Variants in ATP2B2 observed in about 807,000 individuals in gnomAD.
The protein encoded by ATP2B2 is plasma membrane calcium-transporting ATPase 2.
Under a neutral mutation model 120.0 loss-of-function variants are expected in ATP2B2, and 15 were observed. That is an observed-to-expected ratio of 0.12 (90% confidence interval 0.08 to 0.19). The LOEUF (loss-of-function observed/expected upper bound fraction) is 0.19, where lower values mean the gene tolerates loss of function less well. Among genes scored for constraint, ATP2B2 ranks in the 10% least tolerant of loss-of-function variants. The probability of loss-of-function intolerance (pLI) is 1.00; values close to 1 mark genes in which losing one functional copy is unlikely to be tolerated. For missense variants in ATP2B2, 1,045 were observed against 1,719.8 expected (o/e 0.61, Z 6.94); for synonymous variants, 694 against 700.3 (o/e 0.99, Z 0.14).
intron 2 of ATP2B2, among the ~76,000 whole-genome samples, chr3:10,602,367 A>C (rs1273481215): frequency 6.6e-6 from 1 of 152,254 alleles, no homozygotes; most frequent in East Asian, 1.9e-4. Flanking sequence ...GTGTGTCCTT[A>C]GACCATGATG....
chr3:10,340,477 G>A lies in ATP2B2; in HGVS notation c.3129+16C>T, dbSNP rs1358023317. ...GCTGCCCACCCCGGGCCTGGTTAGG[G>A]TGGGGGCCTCACTACCTGGATGGCA... On this transcript the variant is annotated intron_variant, in intron 20 of 22. Coordinates refer to ENST00000360273, the MANE Select transcript of ATP2B2 (RefSeq NM_001001331.4). This position sits in a 1 kb window ranked among gnomAD's most constrained non-coding sequence, Gnocchi z 5.0. 3 of 1,614,222 alleles carry A rather than the reference G, an allele frequency of 1.9e-6. No individual in the cohort carries two copies. Among genetic ancestry groups the A allele is most frequent in the Non-Finnish European group, 2.5e-6 (3 of 1,180,026 alleles).
At chr3:10,416,666 G>T (rs1246181004) in intron 2 of ATP2B2, among the ~76,000 whole-genome samples, 1 of 152,134 alleles carries the variant, frequency 6.6e-6, no homozygotes, top group Non-Finnish European at 1.5e-5. Flanking sequence ...AAGGGAGCCT[G>T]TGCTTTGGCC....
chr3:10,540,537 C>T (rs991822323), intron 2 of ATP2B2, among the ~76,000 whole-genome samples: 25 of 151,894 alleles, frequency 1.6e-4, no homozygotes, highest in Non-Finnish European at 3.4e-4. Flanking sequence ...TACTATGTAG[C>T]CATAAAAAAG....
At position 10,643,419 on chromosome 3, in the gene ATP2B2, T is replaced by A. The variant is rs190904453; in HGVS notation, c.-459-23458A>T. 3.0e-3 allele frequency among the ~76,000 whole-genome samples: 452 copies of A among 152,304 alleles called. 2 individuals carry two copies. The highest frequency in any genetic ancestry group is 0.01 in the African/African-American group (432 of 41,568). ...AAGGCCAAGCCTAGGGGAAACTTTG[T>A]GGAGAAGCAGCATTATTTACCTAGT... On this transcript the variant is annotated intron_variant, in intron 1 of 21. Coordinates refer to the ATP2B2 transcript ENST00000646379.
chr3:10,418,605 C>T (rs921767588), intron 2 of ATP2B2, among the ~76,000 whole-genome samples: 1 of 152,172 alleles, frequency 6.6e-6, no homozygotes, highest in Non-Finnish European at 1.5e-5. Flanking sequence ...CATGGGGCTG[C>T]ACGTCTTTAT....
chr3:10,705,987 A>G (rs1431511999), intron 1 of ATP2B2, among the ~76,000 whole-genome samples: 1 of 152,250 alleles, frequency 6.6e-6, no homozygotes, highest in Admixed American at 6.5e-5. Flanking sequence ...TGCCTCTGGC[A>G]CATCAAACAG....
intron 1 of ATP2B2, among the ~76,000 whole-genome samples, chr3:10,474,091 G>C (rs896577639): frequency 1.3e-5 from 2 of 152,186 alleles, no homozygotes; most frequent in African/African-American, 4.8e-5. Context: ...TTGCCTGCAG[G>C]GGCAGCAGTG....
rs1020395066 is a variant in ATP2B2, at chr3:10,475,865, G to A, written c.-319-26003C>T. Among the ~76,000 whole-genome samples, 4 of 152,246 alleles carry A rather than the reference G, an allele frequency of 2.6e-5. 1 individual carries two copies. Among genetic ancestry groups the A allele is most frequent in the South Asian group, 2.1e-4 (1 of 4,824 alleles). On this transcript the variant is annotated intron_variant, in intron 1 of 22. Coordinates refer to ENST00000360273, the MANE Select transcript of ATP2B2 (RefSeq NM_001001331.4). ...TTCTGAGCCTTGAGTTGGATGCTGG[G>A]GACTTGAAGGTGATTCAGACAAAAG...
chr3:10,415,361 T>A (rs529607247), intron 2 of ATP2B2, among the ~76,000 whole-genome samples: 1 of 152,262 alleles, frequency 6.6e-6, no homozygotes, highest in African/African-American at 2.4e-5. Context: ...GACTTTGAAC[T>A]GGCAGGATTT....
chr3:10,452,425 G>A (rs1431751775), intron 1 of ATP2B2, among the ~76,000 whole-genome samples: 1 of 152,250 alleles, frequency 6.6e-6, no homozygotes, highest in Admixed American at 6.5e-5. Context: ...CCCTTGTTCA[G>A]GGTTGGATGA....
At chr3:10,412,130 TC>T (rs2062631257) in intron 2 of ATP2B2, among the ~76,000 whole-genome samples, 2 of 152,220 alleles carry the variant, frequency 1.3e-5, no homozygotes, top group Non-Finnish European at 2.9e-5. Context: ...CACTTTGCCT[TC>T]CTCCTGCCAC....
intron 1 of ATP2B2, among the ~76,000 whole-genome samples, chr3:10,460,079 A>T (rs908507360): frequency 5.9e-5 from 9 of 152,206 alleles, no homozygotes; most frequent in Admixed American, 5.9e-4. Context: ...TTCACCTCTG[A>T]CCATGGAGGG....
chr3:10,343,202 A>G lies in ATP2B2; in HGVS notation c.2704-237T>C, dbSNP rs958618413. Among the ~76,000 whole-genome samples the G allele has an allele frequency of 6.6e-5, 10 of 152,080 alleles. No individual in the cohort carries two copies. Among genetic ancestry groups the G allele is most frequent in the South Asian group, 2.1e-4 (1 of 4,818 alleles). On this transcript the variant is annotated intron_variant, in intron 18 of 22. Coordinates refer to ENST00000360273, the MANE Select transcript of ATP2B2 (RefSeq NM_001001331.4). This position sits in a 1 kb window ranked among gnomAD's most constrained non-coding sequence, Gnocchi z 4.2. The stretch of plus-strand genomic sequence containing the variant: ...AGATAAGTGAGTCCCCCCAGGCCCA[A>G]TGGCCACCAGCTCCCTGCCTTCTGG...
At chr3:10,382,422 C>G (rs1208948593) in intron 8 of ATP2B2, among the ~76,000 whole-genome samples, 1 of 151,898 alleles carries the variant, frequency 6.6e-6, no homozygotes, top group African/African-American at 2.4e-5. Context: ...TCTCAGCTCA[C>G]TGCAACCTCC....
chr3:10,667,395 C>T (rs565642859), intron 1 of ATP2B2, among the ~76,000 whole-genome samples: 25 of 152,136 alleles, frequency 1.6e-4, no homozygotes, highest in African/African-American at 2.7e-4. Flanking sequence ...GGGCTGGGTG[C>T]GTCCCTGAGA....
In ATP2B2 at chr3:10,401,095, C is replaced by T. The variant is rs26797; in HGVS notation, c.656-17G>A. The T allele has an allele frequency of 0.24, 389,222 of 1,612,668 alleles. 52,609 individuals carry two copies. The highest frequency in any genetic ancestry group is 0.28 in the Non-Finnish European group (324,702 of 1,179,142). ...GGAGGTCACCTGGCAAGAGGAAGGG[C>T]AGGGGAGTCAGCAGGCTCTCAGGTG... On this transcript the variant is annotated splice_polypyrimidine_tract_variant and intron_variant, in intron 4 of 22. Coordinates refer to ENST00000360273, the MANE Select transcript of ATP2B2 (RefSeq NM_001001331.4).
intron 8 of ATP2B2, among the ~76,000 whole-genome samples, chr3:10,382,179 C>T (rs1344416770): frequency 1.3e-5 from 2 of 150,206 alleles, no homozygotes; most frequent in African/African-American, 5.0e-5. Flanking sequence ...ATGTGTGCCA[C>T]TATACCCAGC....
intron 2 of ATP2B2, among the ~76,000 whole-genome samples, chr3:10,438,116 T>G (rs1340330833): frequency 1.3e-5 from 2 of 152,156 alleles, no homozygotes; most frequent in African/African-American, 4.8e-5. Context: ...ACCCACTGTG[T>G]GCTGGGCAAG....
intron 3 of ATP2B2, among the ~76,000 whole-genome samples, chr3:10,406,689 G>A (rs570831573): frequency 1.4e-4 from 21 of 152,332 alleles, no homozygotes; most frequent in Middle Eastern, 3.4e-3. Context: ...TGTCCCTGTC[G>A]TTAAGCGACA....
Sources: gnomAD v4.1 joint callset for allele counts (sites outside exome capture counted in the v4.1 genomes callset) on GRCh38, gnomAD v4.1.1 for gene constraint, Gnocchi (gnomAD v3.1) non-coding constraint, MANE v1.5 for transcripts, NCBI Gene and HGNC (gene_info 2026-07-23, HGNC 2026-07-21) for gene names.